Variants in SHTN1 observed in about 807,000 individuals in gnomAD.
The protein encoded by SHTN1 is shootin-1.
A neutral mutation model predicts 83.1 loss-of-function variants in SHTN1; 42 were observed. That is an observed-to-expected ratio of 0.51 (90% CI 0.39 to 0.65). SHTN1 has a LOEUF of 0.65. SHTN1 is among the 30% of genes least tolerant of loss of function. The pLI, the probability that SHTN1 is intolerant of heterozygous loss-of-function variation, is 0.00. For synonymous variants in SHTN1, 224 were observed against 247.7 expected (o/e 0.90, Z 0.90); for missense variants, 622 against 737.8 (o/e 0.84, Z 1.82).
chr10:116,917,279 G>C (rs1848412711), intron 12 of SHTN1, among the ~76,000 whole-genome samples: 1 of 152,180 alleles, frequency 6.6e-6, no homozygotes, highest in African/African-American at 2.4e-5. Flanking sequence ...TCTGGTATCG[G>C]TATGGGATTT....
chr10:116,977,150 T>C (rs1159886818), intron 2 of SHTN1, among the ~76,000 whole-genome samples: 2 of 152,234 alleles, frequency 1.3e-5, no homozygotes, highest in African/African-American at 4.8e-5. Context: ...TTACAGAGCA[T>C]CTACTATGTA....
chr10:117,008,049 C>T (rs1337506367), upstream of SHTN1, among the ~76,000 whole-genome samples: 4 of 151,888 alleles, frequency 2.6e-5, no homozygotes, highest in Admixed American at 6.6e-5. Context: ...GCAGGCATCA[C>T]GTTGGAGTTA....
At chr10:117,074,929 G>A (rs752796386) in intron 1 of SHTN1, among the ~76,000 whole-genome samples, 6 of 152,066 alleles carry the variant, frequency 3.9e-5, no homozygotes, top group Non-Finnish European at 7.4e-5. Flanking sequence ...AAATGTAGTA[G>A]TCTTTCAGGA....
upstream of SHTN1, among the ~76,000 whole-genome samples, chr10:117,006,398 C>T (rs146706310): frequency 6.6e-6 from 1 of 151,880 alleles, no homozygotes; most frequent in South Asian, 2.1e-4. Context: ...AACCCCGTCT[C>T]TACTAAAAAT....
chr10:117,003,851 T>A (rs1851908243), intron 1 of SHTN1, among the ~76,000 whole-genome samples: 1 of 152,244 alleles, frequency 6.6e-6, no homozygotes, highest in Admixed American at 6.5e-5. Flanking sequence ...TTTTACTTCC[T>A]TTAAATCTGT....
At chr10:117,018,517 A>G (rs954853830) in intron 2 of SHTN1, among the ~76,000 whole-genome samples, 1 of 151,282 alleles carries the variant, frequency 6.6e-6, no homozygotes, top group Non-Finnish European at 1.5e-5. Flanking sequence ...TAAAAAAAAA[A>G]AAAAAAGGAA....
intron 2 of SHTN1, 66 bp downstream of exon 2, chr10:116,979,190 C>A: frequency 7.6e-7 from 1 of 1,308,548 alleles, no homozygotes. Context: ...GGTGACTGAA[C>A]AATGCACTAT....
At chr10:116,920,508 T>C (rs1001792287) in intron 12 of SHTN1, among the ~76,000 whole-genome samples, 3 of 152,284 alleles carry the variant, frequency 2.0e-5, no homozygotes, top group Middle Eastern at 3.4e-3. Flanking sequence ...GCTACTACCC[T>C]CATGTAAGCT....
intron 11 of SHTN1, among the ~76,000 whole-genome samples, chr10:116,924,550 C>T (rs1420449617): frequency 2.6e-5 from 4 of 151,980 alleles, no homozygotes; most frequent in Non-Finnish European, 5.9e-5. Flanking sequence ...AATATTAAAA[C>T]CAACAGTCAA....
intron 1 of SHTN1, among the ~76,000 whole-genome samples, chr10:117,003,099 A>AT (rs535285697): frequency 6.6e-6 from 1 of 152,048 alleles, no homozygotes; most frequent in African/African-American, 2.4e-5. Flanking sequence ...GAAAGGGAAA[A>AT]TTTTTTTATG....
chr10:117,008,358 T>A, upstream of SHTN1, among the ~76,000 whole-genome samples: 1 of 152,030 alleles, frequency 6.6e-6, no homozygotes, highest in East Asian at 1.9e-4. Context: ...GGTATACAGA[T>A]AAATAAGATT....
At position 116,886,406 on chromosome 10, in the gene SHTN1, G is replaced by C. The variant is rs1315220092; in HGVS notation, c.1834C>G (p.Gln612Glu). 9.4e-6 allele frequency: 15 copies of C among 1,587,346 alleles called. No individual in the cohort carries two copies. Among genetic ancestry groups the C allele is most frequent in the Non-Finnish European group, 2.6e-6 (3 of 1,164,870 alleles). The change falls in exon 17 of 17, where the codon CAA becomes GAA. Residue 612 changes from glutamine (Q) to glutamate (E), a missense_variant. Gln to Glu is a conservative substitution (Grantham distance 29). Transcript: ENST00000355371. ...TQHKEDEGEI[Q>E]PENKEDSIEN... ...ATGCTGTCTTCTTTGTTTTCTGGTT[G>C]AATTTCGCCTTCATCCTCCTTGTGT...
intron 1 of SHTN1, among the ~76,000 whole-genome samples, chr10:116,993,017 C>CTTTTTTTTTTTTTTTTTTTT (rs35364697): frequency 3.3e-5 from 4 of 121,224 alleles, no homozygotes; most frequent in Non-Finnish European, 3.2e-5. Flanking sequence ...TCTTTTTTTT[C>CTTTTTTTTTTTTTTTTTTTT]TTTTTTTTTT....
chr10:116,927,710 T>G (rs1241555440), intron 11 of SHTN1, 82 bp downstream of exon 11: 1 of 1,411,572 alleles, frequency 7.1e-7, no homozygotes, highest in African/African-American at 1.5e-5. Context: ...GTATCTTTCA[T>G]GCTTTTAAGA....
At chr10:117,004,556 C>T (rs1006344289) in intron 1 of SHTN1, among the ~76,000 whole-genome samples, 1 of 152,066 alleles carries the variant, frequency 6.6e-6, no homozygotes, top group Non-Finnish European at 1.5e-5. Context: ...GGAACTAGAC[C>T]GAATCCAAAC....
In SHTN1 at chr10:116,954,106, C is replaced by T. The variant is rs878995662; in HGVS notation, c.372G>A (p.Ser124=). The T allele has an allele frequency of 3.1e-6, 5 of 1,613,926 alleles. No individual in the cohort carries two copies. Among genetic ancestry groups the T allele is most frequent in the African/African-American group, 1.3e-5 (1 of 75,008 alleles). The change falls in exon 5 of 17, where the codon TCG becomes TCA. Residue 124 remains serine (S), a synonymous_variant. Transcript: ENST00000355371. Reference sequence around the variant, plus strand: ...CGGCGGCACCGTCTGTGTCTGTAGTCGAATCTTCATCATCAATGTTTATCT... The same window carrying T: ...CGGCGGCACCGTCTGTGTCTGTAGTTGAATCTTCATCATCAATGTTTATCT... ...TEEINIDDED[S]TTDTDGAAET...
At chr10:117,082,893 A>T (rs967107267) in intron 1 of SHTN1, among the ~76,000 whole-genome samples, 2 of 150,938 alleles carry the variant, frequency 1.3e-5, no homozygotes, top group Non-Finnish European at 2.9e-5. Flanking sequence ...TGCTTGGTAG[A>T]TCTTCCTCCA....
chr10:117,075,076 A>G (rs533052741), intron 1 of SHTN1, among the ~76,000 whole-genome samples: 1 of 152,378 alleles, frequency 6.6e-6, no homozygotes, highest in South Asian at 2.1e-4. Flanking sequence ...ATTATAAATT[A>G]TTAAAACATG....
At chr10:116,903,474 G>A (rs1229269273) in intron 15 of SHTN1, among the ~76,000 whole-genome samples, 3 of 151,722 alleles carry the variant, frequency 2.0e-5, no homozygotes, top group Non-Finnish European at 4.4e-5. Context: ...GCAGTGAGCC[G>A]AGATCACGCC....
Sources: gnomAD v4.1 joint callset for allele counts (sites outside exome capture counted in the v4.1 genomes callset) on GRCh38, gnomAD v4.1.1 for gene constraint, MANE v1.5 for transcripts, NCBI Gene and HGNC (gene_info 2026-07-23, HGNC 2026-07-21) for gene names.